The following KIF15 variants were observed in gnomAD, a reference collection of about 807,000 sequenced individuals.
KIF15 encodes kinesin-like protein KIF15.
In KIF15, 140 loss-of-function variants were observed where a neutral mutation model predicts 190.6. That is an observed-to-expected ratio of 0.73 (90% CI 0.64 to 0.84). The LOEUF is 0.84. Among genes scored for constraint, KIF15 ranks in the 40% least tolerant of loss-of-function variants. The pLI is 0.00. For synonymous variants in KIF15, 528 were observed against 551.3 expected, an observed-to-expected ratio of 0.96 and a Z score of 0.59; for missense variants, 1,372 against 1,584.4, an observed-to-expected ratio of 0.87 and a Z score of 2.28.
At chr3:44,761,965 G>T (rs2125884218) in intron 1 of KIF15, 81 bp downstream of exon 1, 3 of 1,579,828 alleles carry the variant, frequency 1.9e-6, no homozygotes, top group Middle Eastern at 1.7e-4. Context: ...CGGACCGCCC[G>T]CAAGGTTCTT....
chr3:44,809,058 C>G (rs1319374558), intron 16 of KIF15, among the ~76,000 whole-genome samples: 1 of 152,164 alleles, frequency 6.6e-6, no homozygotes, highest in African/African-American at 2.4e-5. Flanking sequence ...AGCTGAAGCT[C>G]CCTCCTAGTG....
chr3:44,859,508 T>A (rs1699218401), intron 6 of KIF15, among the ~76,000 whole-genome samples: 1 of 151,836 alleles, frequency 6.6e-6, no homozygotes, highest in Non-Finnish European at 1.5e-5. Context: ...ATACAAAAAA[T>A]ACAAAAATTA....
chr3:44,836,366 AAAT>A (rs1698321964), intron 26 of KIF15, among the ~76,000 whole-genome samples: 1 of 152,064 alleles, frequency 6.6e-6, no homozygotes. Flanking sequence ...AAAAATAAAT[AAAT>A]AAATAATTTT....
At chr3:44,839,354 CAGAG>C (rs1412782581) in intron 27 of KIF15, among the ~76,000 whole-genome samples, 1 of 150,930 alleles carries the variant, frequency 6.6e-6, no homozygotes, top group African/African-American at 2.4e-5. Context: ...GCCTGGGCGA[CAGAG>C]AGAGACTCCA....
chr3:44,796,987 C>G (rs1217058773), intron 8 of KIF15, among the ~76,000 whole-genome samples: 1 of 151,842 alleles, frequency 6.6e-6, no homozygotes, highest in Non-Finnish European at 1.5e-5. Flanking sequence ...CATGAAGTGA[C>G]ATTAATATTT....
intron 14 of KIF15, among the ~76,000 whole-genome samples, chr3:44,803,622 A>G (rs753778846): frequency 2.6e-5 from 4 of 152,220 alleles, no homozygotes; most frequent in Non-Finnish European, 2.9e-5. Flanking sequence ...CTTAGAGTTA[A>G]TATTTTCACG....
chr3:44,822,904 G>A lies in KIF15; in HGVS notation c.2550-3135G>A, dbSNP rs977213450. On this transcript the variant is annotated intron_variant, in intron 20 of 34. Transcript: ENST00000326047. ...CACTGTTTATTCTAGTTAGCCATTCGTCTAATCTTTTTTCAAGGTTTTTAG... is the reference window on the plus strand; with the variant it reads ...CACTGTTTATTCTAGTTAGCCATTCATCTAATCTTTTTTCAAGGTTTTTAG... 2.2e-4 allele frequency among the ~76,000 whole-genome samples: 34 copies of A among 152,078 alleles called. 1 individual carries two copies. Among genetic ancestry groups the A allele is most frequent in the South Asian group, 2.1e-4 (1 of 4,828 alleles).
intron 6 of KIF15, chr3:44,862,678 G>A (rs1340719365): frequency 6.6e-6 from 1 of 152,026 alleles, no homozygotes; most frequent in Non-Finnish European, 1.5e-5. Flanking sequence ...TTTTCCTGAC[G>A]CTGAGAACTC....
At chr3:44,848,111 G>A (rs922563940) in intron 31 of KIF15, 54 bp downstream of exon 31, 1 of 1,088,126 alleles carries the variant, frequency 9.2e-7, no homozygotes. Flanking sequence ...TGCTTTTATA[G>A]TTAGTATTTA....
chr3:44,829,356 CA>C (rs771224041), intron 24 of KIF15, among the ~76,000 whole-genome samples: 2 of 137,274 alleles, frequency 1.5e-5, no homozygotes, highest in Non-Finnish European at 3.1e-5. Flanking sequence ...GACTCCATCT[CA>C]AAAAATATAT....
chr3:44,860,927 T>A (rs940831391), intron 6 of KIF15, among the ~76,000 whole-genome samples: 55 of 152,304 alleles, frequency 3.6e-4, no homozygotes, highest in African/African-American at 1.2e-3. Context: ...AGAGTGGAAA[T>A]AGCACTTTAT....
At chr3:44,767,172 T>C (rs905887779) in intron 1 of KIF15, among the ~76,000 whole-genome samples, 1 of 152,156 alleles carries the variant, frequency 6.6e-6, no homozygotes, top group East Asian at 1.9e-4. Context: ...TTCCTCATAA[T>C]GTCATGTCAG....
intron 6 of KIF15, among the ~76,000 whole-genome samples, chr3:44,859,931 A>C (rs1476865897): frequency 6.6e-6 from 1 of 152,152 alleles, no homozygotes. Context: ...AGAGGCAGAA[A>C]TCACTTCCCA....
At chr3:44,766,762 G>A (rs1705394706) in intron 1 of KIF15, among the ~76,000 whole-genome samples, 1 of 150,880 alleles carries the variant, frequency 6.6e-6, no homozygotes, top group Admixed American at 6.6e-5. Context: ...GTTTGTCTTT[G>A]GGAACATTTC....
chr3:44,786,609 C>A, intron 7 of KIF15, 35 bp downstream of exon 7: 1 of 1,541,122 alleles, frequency 6.5e-7, no homozygotes, highest in Non-Finnish European at 8.8e-7. Context: ...GGTGCTTAGG[C>A]AACAAACCTG....
At chr3:44,794,123 C>T in intron 7 of KIF15, 94 bp from the exon 8 acceptor site, 1 of 992,492 alleles carries the variant, frequency 1.0e-6, no homozygotes, top group Non-Finnish European at 1.5e-6. Flanking sequence ...ACAAGTGATC[C>T]TCCAGACATG....
intron 6 of KIF15, chr3:44,865,029 T>G (rs1201623249): frequency 6.2e-7 from 1 of 1,613,782 alleles, no homozygotes; most frequent in Non-Finnish European, 8.5e-7. Flanking sequence ...ACAGCTATCT[T>G]TGTCTCGCAG....
At chr3:44,832,436 A>G (rs1698117177) in intron 26 of KIF15, among the ~76,000 whole-genome samples, 1 of 152,186 alleles carries the variant, frequency 6.6e-6, no homozygotes, top group African/African-American at 2.4e-5. Context: ...TTTCAGAGCT[A>G]CAGGTGACAG....
rs753025763 is a variant in KIF15, at chr3:44,838,372, A to G, written c.3269A>G (p.Gln1090Arg). 24 of 1,614,098 alleles carry G rather than the reference A, an allele frequency of 1.5e-5. No homozygotes were observed. The highest frequency in any genetic ancestry group is 1.6e-4 in the Middle Eastern group (1 of 6,062). The stretch of plus-strand genomic sequence containing the variant: ...CACTCGGGGCTGCTGCAGTCTGCCC[A>G]GGAAGAACTGACCAAGAAGGAAGCC... ...KKHSGLLQSA[Q>R]EELTKKEALI... Residue 1090 changes from glutamine to arginine, a missense_variant, in exon 27 of 35, where the codon CAG (glutamine) becomes CGG (arginine). By Grantham distance (43) the Gln-to-Arg change is conservative. Coordinates refer to ENST00000326047, the MANE Select transcript of KIF15 (RefSeq NM_020242.3).
Sources: allele counts gnomAD v4.1 joint callset (sites outside exome capture counted in the v4.1 genomes callset), GRCh38; gene constraint gnomAD v4.1.1; transcripts MANE v1.5; gene names NCBI Gene and HGNC (gene_info 2026-07-23, HGNC 2026-07-21).